SLC16A2: variants seen among roughly 807,000 people sequenced by gnomAD.
SLC16A2 encodes the protein solute carrier family 16 member 2.
Under a neutral mutation model 27.2 loss-of-function variants are expected in SLC16A2, and 3 were observed. The observed-to-expected ratio is 0.11, with a 90% CI of 0.05 to 0.28. The LOEUF is 0.28. SLC16A2 is among the 10% of genes least tolerant of loss of function. SLC16A2 has a pLI of 1.00. For synonymous variants in SLC16A2, 202 were observed against 187.8 expected (o/e 1.08, Z -0.62); for missense variants, 295 against 458.5 (o/e 0.64, Z 3.26).
At chrX:74,500,299 G>C (rs1319038694) in intron 1 of SLC16A2, among the ~76,000 whole-genome samples, 1 of 111,400 alleles carries the variant, frequency 9.0e-6, no homozygotes, top group East Asian at 2.8e-4. Flanking sequence ...CAGGGCATTT[G>C]ACCCTCTTCC....
chrX:74,492,038 G>T (rs746465546), intron 1 of SLC16A2, among the ~76,000 whole-genome samples: 1 of 112,300 alleles, frequency 8.9e-6, no homozygotes, highest in Non-Finnish European at 1.9e-5. Context: ...TGGAATTTAA[G>T]GCCCAAATTG....
At chrX:74,522,233 G>T (rs1033742191) in intron 2 of SLC16A2, among the ~76,000 whole-genome samples, 2 of 111,916 alleles carry the variant, frequency 1.8e-5, no homozygotes, top group African/African-American at 6.5e-5. Flanking sequence ...TAGGCCTAAG[G>T]TTCCACTCAC....
intron 1 of SLC16A2, among the ~76,000 whole-genome samples, chrX:74,478,387 C>A (rs1702958901): frequency 9.0e-6 from 1 of 111,465 alleles, no homozygotes; most frequent in African/African-American, 3.3e-5. Flanking sequence ...TGTGTCTCTG[C>A]ACATGAGATG....
chrX:74,474,035 T>G (rs1929414465), intron 1 of SLC16A2: 1 of 164,740 alleles, frequency 6.1e-6, no homozygotes, highest in African/African-American at 3.1e-5. Flanking sequence ...TTTTCAAGAT[T>G]CTTTTTGCTA....
chrX:74,479,468 G>A (rs4319247), intron 1 of SLC16A2, among the ~76,000 whole-genome samples: 22,011 of 111,237 alleles, frequency 0.2, 2,242 homozygotes, highest in East Asian at 0.85. Flanking sequence ...TCTTCTGAAG[G>A]CTTCTTCTCT....
intron 5 of SLC16A2, among the ~76,000 whole-genome samples, chrX:74,530,250 G>A (rs1407176026): frequency 9.2e-6 from 1 of 109,059 alleles, no homozygotes; most frequent in Non-Finnish European, 1.9e-5. Context: ...ACAGGTGCGT[G>A]CCACCACACC....
chrX:74,426,552 C>A (rs1928405247), intron 1 of SLC16A2, among the ~76,000 whole-genome samples: 1 of 111,958 alleles, frequency 8.9e-6, no homozygotes, highest in Non-Finnish European at 1.9e-5. Context: ...CTGGCAGTCT[C>A]AGTGATACCA....
intron 1 of SLC16A2, among the ~76,000 whole-genome samples, chrX:74,472,823 T>C (rs1357608755): frequency 9.0e-6 from 1 of 111,537 alleles, no homozygotes; most frequent in Non-Finnish European, 1.9e-5. Flanking sequence ...AAATAATCCG[T>C]TATACAATTA....
intron 1 of SLC16A2, among the ~76,000 whole-genome samples, chrX:74,445,262 T>C (rs1230071841): frequency 9.0e-6 from 1 of 110,924 alleles, no homozygotes; most frequent in African/African-American, 3.3e-5. Context: ...GGGATCTGGA[T>C]TCGCTATTAA....
At chrX:74,447,347 C>T (rs997222485) in intron 1 of SLC16A2, among the ~76,000 whole-genome samples, 4 of 111,594 alleles carry the variant, frequency 3.6e-5, no homozygotes, top group African/African-American at 1.3e-4. Context: ...AGTACCCAGA[C>T]GTAAGTCATA....
chrX:74,443,842 G>A (rs1203594075), intron 1 of SLC16A2, among the ~76,000 whole-genome samples: 1 of 111,446 alleles, frequency 9.0e-6, no homozygotes, highest in Non-Finnish European at 1.9e-5. Flanking sequence ...GGGCTGAGAT[G>A]AATATTTCCT....
At chrX:74,448,302 ATTTTTTTTTTTTT>A (rs144467927) in intron 1 of SLC16A2, among the ~76,000 whole-genome samples, 1 of 64,274 alleles carries the variant, frequency 1.6e-5, no homozygotes. Context: ...AATCCTTTGG[ATTTTTTTTTTTTT>A]TTTTTTTTTT....
Position 74,524,737 on chromosome X carries a change from A to G in SLC16A2, c.954A>G (p.Gln318=). Residue 318 remains glutamine, a synonymous_variant, in exon 3 of 6, where the codon CAA becomes CAG. Transcript: ENST00000587091. Reference sequence around the variant, plus strand: ...ACTTCAACATGCGAGTGTTCCGCCAACGCACTTACCGCATCTGGGCCTTCG... The same window carrying G: ...ACTTCAACATGCGAGTGTTCCGCCAGCGCACTTACCGCATCTGGGCCTTCG... ...RKYFNMRVFR[Q]RTYRIWAFGI... is the part of the protein sequence containing the mutation. 1 of 1,211,613 alleles carries G rather than the reference A, an allele frequency of 8.3e-7. No homozygotes were observed. The highest frequency in any genetic ancestry group is 1.1e-6 in the Non-Finnish European group (1 of 895,529).
chrX:74,457,451 G>A (rs749811253), intron 1 of SLC16A2, among the ~76,000 whole-genome samples: 3 of 111,091 alleles, frequency 2.7e-5, no homozygotes, highest in African/African-American at 9.8e-5. Flanking sequence ...CCCAAACCCT[G>A]GTATGTGGAG....
intron 1 of SLC16A2, among the ~76,000 whole-genome samples, chrX:74,428,223 C>G (rs1928453728): frequency 9.0e-6 from 1 of 111,309 alleles, no homozygotes; most frequent in South Asian, 3.8e-4. Context: ...CATCACCTGC[C>G]TGAAGCTGGG....
intron 1 of SLC16A2, among the ~76,000 whole-genome samples, chrX:74,507,064 C>T (rs370632232): frequency 2.8e-5 from 3 of 108,447 alleles, no homozygotes; most frequent in South Asian, 4.0e-4. Flanking sequence ...CGCTCCCCCC[C>T]CAACCACAAG....
chrX:74,427,811 GCACACACACACACACACA>G (rs35510872), intron 1 of SLC16A2, among the ~76,000 whole-genome samples: 16 of 101,702 alleles, frequency 1.6e-4, no homozygotes, highest in African/African-American at 5.4e-4. Context: ...GCACGCGCGC[GCACACACACACACACACA>G]CACACACACA....
At chrX:74,449,394 C>T (rs1438973210) in intron 1 of SLC16A2, among the ~76,000 whole-genome samples, 2 of 112,199 alleles carry the variant, frequency 1.8e-5, no homozygotes, top group African/African-American at 3.2e-5. Flanking sequence ...CTTCATTCAT[C>T]GCATATCTTG....
At chrX:74,425,891 G>T (rs1306815926) in intron 1 of SLC16A2, among the ~76,000 whole-genome samples, 2 of 112,110 alleles carry the variant, frequency 1.8e-5, no homozygotes, top group Admixed American at 9.4e-5. Flanking sequence ...CCCAAGGGGG[G>T]TCAAGGCTGA....
Sources: allele counts gnomAD v4.1 joint callset (sites outside exome capture counted in the v4.1 genomes callset), GRCh38; gene constraint gnomAD v4.1.1; transcripts MANE v1.5; gene names NCBI Gene and HGNC (gene_info 2026-07-23, HGNC 2026-07-21).